Variants in RASEF observed in about 807,000 individuals in gnomAD.
RASEF encodes RAS and EF-hand domain containing.
A neutral mutation model predicts 90.1 loss-of-function variants in RASEF; 68 were observed. The observed-to-expected ratio is 0.75, with a 90% CI of 0.62 to 0.92. The LOEUF (loss-of-function observed/expected upper bound fraction) is 0.92. Among genes scored for constraint, RASEF ranks in the 40% least tolerant of loss-of-function variants. The pLI is 0.00. For synonymous variants in RASEF, 331 were observed against 345.2 expected (o/e 0.96, Z 0.46); for missense variants, 949 against 937.2 (o/e 1.01, Z -0.16).
upstream of RASEF, among the ~76,000 whole-genome samples, chr9:83,066,537 T>C (rs1402995659): frequency 1.3e-5 from 2 of 152,190 alleles, no homozygotes; most frequent in Non-Finnish European, 2.9e-5. Context: ...CAGAAACAGC[T>C]AGCCAGGAAC....
At chr9:83,150,996 C>T in the RASEF span, among the ~76,000 whole-genome samples, 2 of 151,844 alleles carry the variant, frequency 1.3e-5, no homozygotes, top group East Asian at 1.9e-4. Context: ...TAGAATACCA[C>T]GTGTATTAAA....
the RASEF span, among the ~76,000 whole-genome samples, chr9:83,119,223 T>C: frequency 1.1e-3 from 170 of 150,774 alleles, no homozygotes; most frequent in African/African-American, 3.9e-3. Context: ...TTCAGCATGT[T>C]GGCCAGGCTG....
chr9:83,125,047 G>C, the RASEF span, among the ~76,000 whole-genome samples: 7 of 152,234 alleles, frequency 4.6e-5, no homozygotes, highest in African/African-American at 1.7e-4. Context: ...AGCAAGGATA[G>C]AAGTATTTAC....
chr9:83,213,093 T>A, the RASEF span, among the ~76,000 whole-genome samples: 25,365 of 145,622 alleles, frequency 0.17, 2,349 homozygotes, highest in Admixed American at 0.24. Flanking sequence ...GCACACGTTT[T>A]AAAAAAAAAA....
chr9:82,987,864 G>T (rs80280474), intron 16 of RASEF, among the ~76,000 whole-genome samples: 517 of 152,276 alleles, frequency 3.4e-3, no homozygotes, highest in Non-Finnish European at 6.4e-3. Context: ...TAGCTATTTA[G>T]AAACAGATTT....
At chr9:83,120,164 G>A in the RASEF span, among the ~76,000 whole-genome samples, 14 of 152,230 alleles carry the variant, frequency 9.2e-5, no homozygotes, top group Non-Finnish European at 1.8e-4. Flanking sequence ...AGACCTAGGG[G>A]TTGGGCAGTC....
the RASEF span, among the ~76,000 whole-genome samples, chr9:83,134,581 CT>C: frequency 3.3e-5 from 5 of 152,078 alleles, no homozygotes; most frequent in African/African-American, 1.2e-4. Context: ...AAAATTACTT[CT>C]TTCTAATTAT....
the RASEF span, among the ~76,000 whole-genome samples, chr9:83,169,552 T>C: frequency 1.3e-5 from 2 of 151,876 alleles, no homozygotes; most frequent in Non-Finnish European, 2.9e-5. Context: ...GCATTTGGGT[T>C]TTTGTTTGGT....
intron 9 of RASEF, among the ~76,000 whole-genome samples, chr9:83,001,435 C>T (rs1489031870): frequency 3.9e-5 from 6 of 152,122 alleles, no homozygotes; most frequent in African/African-American, 4.8e-5. Flanking sequence ...TAAACACAAT[C>T]GCAAGTTGTA....
the RASEF span, among the ~76,000 whole-genome samples, chr9:83,152,843 C>T: frequency 1.3e-5 from 2 of 152,096 alleles, no homozygotes; most frequent in Non-Finnish European, 2.9e-5. Flanking sequence ...CCAACTGTAA[C>T]CGAGAGATAA....
At chr9:83,161,058 A>T in the RASEF span, among the ~76,000 whole-genome samples, 5 of 151,956 alleles carry the variant, frequency 3.3e-5, no homozygotes, top group African/African-American at 1.2e-4. Context: ...CTCATAGAGA[A>T]CCTCTGTCAG....
chr9:83,066,199 CCTTA>C (rs1302453395), upstream of RASEF, among the ~76,000 whole-genome samples: 2 of 152,182 alleles, frequency 1.3e-5, no homozygotes, highest in African/African-American at 4.8e-5. Flanking sequence ...GTTAGTAGCT[CCTTA>C]CTATCAGGAC....
chr9:83,172,911 A>G, the RASEF span, among the ~76,000 whole-genome samples: 1 of 151,996 alleles, frequency 6.6e-6, no homozygotes, highest in Non-Finnish European at 1.5e-5. Flanking sequence ...TCCAGATTGA[A>G]GAGCTCTCTT....
the RASEF span, among the ~76,000 whole-genome samples, chr9:83,127,220 T>G: frequency 6.6e-6 from 1 of 152,202 alleles, no homozygotes; most frequent in African/African-American, 2.4e-5. Context: ...CTGCAACAAC[T>G]ATAATGTCAA....
At chr9:83,104,345 A>G in the RASEF span, among the ~76,000 whole-genome samples, 1 of 152,192 alleles carries the variant, frequency 6.6e-6, no homozygotes, top group African/African-American at 2.4e-5. Context: ...ATTGTAAGTC[A>G]ATCAACAGAG....
At chr9:83,126,662 C>T in the RASEF span, among the ~76,000 whole-genome samples, 1 of 152,200 alleles carries the variant, frequency 6.6e-6, no homozygotes, top group Non-Finnish European at 1.5e-5. Flanking sequence ...GGAGGACTCT[C>T]AGTAGCTACC....
the RASEF span, among the ~76,000 whole-genome samples, chr9:83,159,226 T>A: frequency 1.3e-5 from 2 of 151,356 alleles, no homozygotes; most frequent in African/African-American, 4.9e-5. Flanking sequence ...CAAGGCAGAA[T>A]ATACTTGCTC....
chr9:83,195,142 T>C, the RASEF span, among the ~76,000 whole-genome samples: 1 of 152,222 alleles, frequency 6.6e-6, no homozygotes, highest in Admixed American at 6.5e-5. Context: ...TCGTCATATG[T>C]CACAGGCAAC....
At chr9:83,132,015 G>T in the RASEF span, among the ~76,000 whole-genome samples, 1 of 152,112 alleles carries the variant, frequency 6.6e-6, no homozygotes, top group African/African-American at 2.4e-5. Flanking sequence ...TCCAAAGATG[G>T]TATTAATAAC....
Sources: gnomAD v4.1 joint callset for allele counts (sites outside exome capture counted in the v4.1 genomes callset) on GRCh38, gnomAD v4.1.1 for gene constraint, MANE v1.5 for transcripts, NCBI Gene and HGNC (gene_info 2026-07-23, HGNC 2026-07-21) for gene names.